Variants in SLC13A5 observed in about 807,000 individuals in gnomAD.
SLC13A5 encodes solute carrier family 13 member 5.
A neutral mutation model predicts 56.5 loss-of-function variants in SLC13A5; 25 were observed. That is an observed-to-expected ratio of 0.44 (90% CI 0.32 to 0.62). The LOEUF (loss-of-function observed/expected upper bound fraction) is 0.62. SLC13A5 is among the 20% of genes least tolerant of loss of function. The probability of loss-of-function intolerance (pLI) is 0.04; values close to 1 mark genes in which losing one functional copy is unlikely to be tolerated. For synonymous variants in SLC13A5, 307 were observed against 301.5 expected, an observed-to-expected ratio of 1.02 and a Z score of -0.19; for missense variants, 649 against 737.8, an observed-to-expected ratio of 0.88 and a Z score of 1.39.
chr17:6,693,658 T>C (rs1414145106), intron 8 of SLC13A5: 2 of 158,796 alleles, frequency 1.3e-5, no homozygotes, highest in African/African-American at 4.8e-5. Context: ...ATTTGAAGAC[T>C]GTAGCAATAG....
chr17:6,702,671 C>A (rs1463195510), intron 5 of SLC13A5, among the ~76,000 whole-genome samples: 2 of 152,240 alleles, frequency 1.3e-5, no homozygotes, highest in Admixed American at 1.3e-4. Flanking sequence ...CCTCTCTGAG[C>A]CAGAGTCCCT....
Sources: gnomAD v4.1 joint callset for allele counts (sites outside exome capture counted in the v4.1 genomes callset) on GRCh38, gnomAD v4.1.1 for gene constraint, MANE v1.5 for transcripts, NCBI Gene and HGNC (gene_info 2026-07-23, HGNC 2026-07-21) for gene names.